Variants in FAM20B observed in about 807,000 individuals in gnomAD.
FAM20B encodes the protein FAM20B glycosaminoglycan xylosylkinase, also known as glycosaminoglycan xylosylkinase.
In FAM20B, 23 loss-of-function variants were observed where a neutral mutation model predicts 43.8. That is an observed-to-expected ratio of 0.53 (90% CI 0.38 to 0.74). The LOEUF is 0.74. Among genes scored for constraint, FAM20B ranks in the 30% least tolerant of loss-of-function variants. The pLI, the probability that FAM20B is intolerant of heterozygous loss-of-function variation, is 0.00. For missense variants in FAM20B, 440 were observed against 510.5 expected (o/e 0.86, Z 1.33); for synonymous variants, 178 against 192.4 (o/e 0.93, Z 0.62).
intron 4 of FAM20B, among the ~76,000 whole-genome samples, chr1:179,059,234 C>T (rs997141467): frequency 6.6e-6 from 1 of 152,192 alleles, no homozygotes; most frequent in African/African-American, 2.4e-5. Context: ...AGCCTCAGCT[C>T]ATGGTACTGA....
rs1027469765 is a variant in FAM20B at position 179,073,882 on chromosome 1, T to C, written c.*1738T>C. ...ACACAGGGGCAAAGGAAGACAGGCCTGATGTGCCCACTCATCTATGGACTC... is the reference window on the plus strand; with the variant it reads ...ACACAGGGGCAAAGGAAGACAGGCCCGATGTGCCCACTCATCTATGGACTC... On this transcript the variant is annotated 3_prime_UTR_variant, in exon 8 of 8. Coordinates refer to ENST00000263733, the MANE Select transcript of FAM20B (RefSeq NM_014864.4). 10 of 152,382 alleles carry C rather than the reference T, an allele frequency of 6.6e-5. No homozygotes were observed. Among genetic ancestry groups the C allele is most frequent in the African/African-American group, 2.4e-4 (10 of 41,588 alleles). 9.4% of individuals were successfully genotyped at this position (152,382 alleles called of 1,614,324 possible).
chr1:179,075,310 A>G lies in FAM20B; in HGVS notation c.*3166A>G, dbSNP rs1215118256. On this transcript the variant is annotated 3_prime_UTR_variant, in exon 8 of 8. Coordinates refer to ENST00000263733, the MANE Select transcript of FAM20B (RefSeq NM_014864.4). ...GCAGGGTTTGGATCAGCTGTAAGTT[A>G]GGTATGCCTACCAAACATCCAAAGG... is the stretch of plus-strand genomic sequence containing the variant. The G allele has an allele frequency of 2.0e-5, 3 of 152,168 alleles. No homozygotes were observed. Among genetic ancestry groups the G allele is most frequent in the Non-Finnish European group, 2.9e-5 (2 of 68,040 alleles). 9.4% of individuals were successfully genotyped at this position (152,168 alleles called of 1,614,324 possible). A position where few individuals can be genotyped will look rare whatever the true frequency, so the allele number is the denominator to read the frequency against.
At chr1:179,043,439 C>G (rs1400505088) in intron 1 of FAM20B, among the ~76,000 whole-genome samples, 1 of 152,082 alleles carries the variant, frequency 6.6e-6, no homozygotes, top group African/African-American at 2.4e-5. Context: ...GGCAGGGCTC[C>G]CACCTGTTCC....
At chr1:179,046,023 C>G (rs893583035) in intron 2 of FAM20B, among the ~76,000 whole-genome samples, 1 of 152,124 alleles carries the variant, frequency 6.6e-6, no homozygotes, top group Admixed American at 6.5e-5. Flanking sequence ...AACCCTTATA[C>G]GAAGGTTTAA....
upstream of FAM20B, among the ~76,000 whole-genome samples, chr1:179,024,829 A>T (rs1432335619): frequency 6.6e-6 from 1 of 152,242 alleles, no homozygotes; most frequent in African/African-American, 2.4e-5. Flanking sequence ...CTTAATCCTT[A>T]CAACAACCCT....
intron 3 of FAM20B, among the ~76,000 whole-genome samples, chr1:179,054,034 T>C (rs900451986): frequency 2.0e-5 from 3 of 152,088 alleles, no homozygotes; most frequent in Non-Finnish European, 2.9e-5. Context: ...TTCAACCTTT[T>C]AGATTATTAG....
intron 1 of FAM20B, among the ~76,000 whole-genome samples, chr1:179,033,835 G>A (rs1368570019): frequency 2.0e-5 from 3 of 152,120 alleles, no homozygotes; most frequent in Non-Finnish European, 4.4e-5. Flanking sequence ...TGGGACTACA[G>A]GCATGTGCCA....
intron 1 of FAM20B, among the ~76,000 whole-genome samples, chr1:179,043,354 G>C (rs1650624530): frequency 6.6e-6 from 1 of 152,226 alleles, no homozygotes; most frequent in Non-Finnish European, 1.5e-5. Context: ...TTTGGAGCCT[G>C]TGGGTGTAGC....
the FAM20B span, among the ~76,000 whole-genome samples, chr1:179,017,678 A>C: frequency 2.6e-5 from 4 of 152,146 alleles, no homozygotes; most frequent in African/African-American, 9.7e-5. Context: ...CTTCCTTCAC[A>C]TTGTGGGCTA....
chr1:179,028,558 C>T (rs972841025), intron 1 of FAM20B, among the ~76,000 whole-genome samples: 3 of 152,212 alleles, frequency 2.0e-5, no homozygotes, highest in African/African-American at 7.2e-5. Flanking sequence ...CTCCAGACTG[C>T]TGACAGTGAG....
Position 179,043,899 on chromosome 1 carries a change from A to G in FAM20B, c.52A>G (p.Ile18Val), listed in dbSNP as rs1572540227. ...VLLAILLVIF[I>V]FTKVFLIDNL... ...GTTAGCAATTCTCCTTGTCATTTTT[A>G]TCTTCACCAAAGTTTTCCTGATTGA... The change falls in exon 2 of 8, where the codon ATC becomes GTC. Residue 18 changes from isoleucine (I) to valine (V), a missense_variant. Physicochemically the swap from Ile to Val is conservative, Grantham distance 29. Transcript: ENST00000263733. 25 of 1,610,108 alleles carry G rather than the reference A, an allele frequency of 1.6e-5. No individual in the cohort carries two copies. Among genetic ancestry groups the G allele is most frequent in the Non-Finnish European group, 2.1e-5 (25 of 1,176,598 alleles).
intron 7 of FAM20B, among the ~76,000 whole-genome samples, chr1:179,070,607 C>T (rs775708607): frequency 1.7e-4 from 25 of 147,240 alleles, no homozygotes; most frequent in South Asian, 1.5e-3. Flanking sequence ...TCACTGCAAC[C>T]TCCACCTCCC....
chr1:179,025,868 G>A (rs1649741143), upstream of FAM20B: 1 of 138,518 alleles, frequency 7.2e-6, no homozygotes, highest in Non-Finnish European at 1.6e-5. Context: ...GGTACCAACA[G>A]CCGGGGGCCT....
chr1:179,050,236 G>A, intron 2 of FAM20B, 43 bp from the exon 3 acceptor site: 1 of 1,378,798 alleles, frequency 7.3e-7, no homozygotes, highest in East Asian at 2.3e-5. Flanking sequence ...CCTGTTACTG[G>A]TGTAATCCAC....
chr1:179,063,939 G>C lies in FAM20B; in HGVS notation c.587G>C (p.Cys196Ser). The C allele has an allele frequency of 6.2e-7, 1 of 1,606,940 alleles. No homozygotes were observed. Among genetic ancestry groups the C allele is most frequent in the Non-Finnish European group, 8.5e-7 (1 of 1,176,332 alleles). Residue 196 changes from cysteine to serine, a missense_variant, in exon 5 of 8, where the codon TGT (cysteine) becomes TCT (serine). Cys to Ser is a moderately radical substitution (Grantham distance 112, BLOSUM62 -1). Transcript: ENST00000263733. The part of the protein sequence containing the change: ...STFLTVGNNT[C>S]FYGKCYYCRE... ...TTCTGTCCTTTAGGAAACAATACTT[G>C]TTTTTATGGGAAGTGCTATTACTGC...
At chr1:179,058,774 A>G (rs1298400056) in intron 4 of FAM20B, among the ~76,000 whole-genome samples, 1 of 152,210 alleles carries the variant, frequency 6.6e-6, no homozygotes, top group Non-Finnish European at 1.5e-5. Flanking sequence ...ATATGTAATA[A>G]GAGAACTAAA....
At chr1:179,035,302 G>A (rs899314820) in intron 1 of FAM20B, 2 of 651,588 alleles carry the variant, frequency 3.1e-6, no homozygotes, top group Non-Finnish European at 5.7e-6. Context: ...TAAGGACTCA[G>A]CTCCTTACAC....
At chr1:179,036,867 C>A (rs375561073) in intron 1 of FAM20B, among the ~76,000 whole-genome samples, 18 of 152,242 alleles carry the variant, frequency 1.2e-4, no homozygotes, top group African/African-American at 4.1e-4. Context: ...TAGAGATGGC[C>A]TTGGAGATGA....
At chr1:179,020,204 T>C in the FAM20B span, among the ~76,000 whole-genome samples, 1 of 151,648 alleles carries the variant, frequency 6.6e-6, no homozygotes, top group South Asian at 2.1e-4. Flanking sequence ...CACTTAAATG[T>C]AAATGCCTTT....
Sources: allele counts gnomAD v4.1 joint callset (sites outside exome capture counted in the v4.1 genomes callset), GRCh38; gene constraint gnomAD v4.1.1; transcripts MANE v1.5; gene names NCBI Gene and HGNC (gene_info 2026-07-23, HGNC 2026-07-21).